Variants in B4GALT6 observed in about 807,000 individuals in gnomAD.
B4GALT6 encodes the protein UDP-Gal:beta-GlcNAc beta-1,4-galactosyltransferase 6.
A neutral mutation model predicts 46.3 loss-of-function variants in B4GALT6; 14 were observed. The ratio of observed to expected loss-of-function variants is 0.30; its 90% CI spans 0.20 to 0.47. The LOEUF (loss-of-function observed/expected upper bound fraction) is 0.47. Ranked by LOEUF, B4GALT6 falls within the 20% of genes least tolerant of loss-of-function variation. B4GALT6 has a pLI of 0.99. For synonymous variants in B4GALT6, 168 were observed against 162.0 expected, an observed-to-expected ratio of 1.04 and a Z score of -0.28; for missense variants, 386 against 480.1, an observed-to-expected ratio of 0.80 and a Z score of 1.83.
At chr18:31,707,570 G>A in the B4GALT6 span, among the ~76,000 whole-genome samples, 1 of 152,240 alleles carries the variant, frequency 6.6e-6, no homozygotes, top group East Asian at 1.9e-4. Flanking sequence ...TGGTCAAAAA[G>A]AGTCAGCTCA....
At chr18:31,647,375 C>A (rs534555980) in intron 3 of B4GALT6, among the ~76,000 whole-genome samples, 1 of 152,150 alleles carries the variant, frequency 6.6e-6, no homozygotes, top group Admixed American at 6.5e-5. Flanking sequence ...AAGAGACAGG[C>A]TTTATTTCTT....
chr18:31,644,055 G>GA (rs2073962000), intron 4 of B4GALT6, among the ~76,000 whole-genome samples: 1 of 152,166 alleles, frequency 6.6e-6, no homozygotes, highest in Non-Finnish European at 1.5e-5. Context: ...CAAATGTGAG[G>GA]AAAATCAATC....
chr18:31,667,616 T>C (rs909480773), intron 1 of B4GALT6, among the ~76,000 whole-genome samples: 1 of 152,102 alleles, frequency 6.6e-6, no homozygotes, highest in Non-Finnish European at 1.5e-5. Flanking sequence ...CAGAGTAAAA[T>C]AAAACTTTTC....
At chr18:31,630,150 G>C (rs1407001500) in intron 6 of B4GALT6, among the ~76,000 whole-genome samples, 2 of 151,544 alleles carry the variant, frequency 1.3e-5, no homozygotes, top group African/African-American at 4.8e-5. Context: ...GGAAGAAGAA[G>C]AAAGAAACAA....
chr18:31,639,249 G>A (rs560000289), intron 4 of B4GALT6, among the ~76,000 whole-genome samples: 1 of 152,232 alleles, frequency 6.6e-6, no homozygotes, highest in East Asian at 1.9e-4. Context: ...GCTATCAATT[G>A]GGCATGAAAA....
At chr18:31,706,606 C>G in the B4GALT6 span, among the ~76,000 whole-genome samples, 3 of 152,036 alleles carry the variant, frequency 2.0e-5, no homozygotes, top group Non-Finnish European at 2.9e-5. Flanking sequence ...ACTCCTCCAG[C>G]CTGGGCCACA....
chr18:31,715,353 G>A, the B4GALT6 span, among the ~76,000 whole-genome samples: 1 of 151,952 alleles, frequency 6.6e-6, no homozygotes, highest in Non-Finnish European at 1.5e-5. Context: ...AGCTTTCCAA[G>A]TAGCTGGGAC....
At chr18:31,643,864 C>G (rs1013427844) in intron 4 of B4GALT6, among the ~76,000 whole-genome samples, 1 of 152,160 alleles carries the variant, frequency 6.6e-6, no homozygotes, top group African/African-American at 2.4e-5. Context: ...ACATTCTGTA[C>G]AAACAACTAT....
the B4GALT6 span, among the ~76,000 whole-genome samples, chr18:31,712,717 C>T: frequency 6.6e-6 from 1 of 152,340 alleles, no homozygotes; most frequent in East Asian, 1.9e-4. Flanking sequence ...CTCACATTTA[C>T]ATCCACTGCC....
chr18:31,679,778 C>A (rs566637302), intron 1 of B4GALT6, among the ~76,000 whole-genome samples: 3 of 152,302 alleles, frequency 2.0e-5, no homozygotes, highest in South Asian at 4.1e-4. Context: ...AATAGCCCCC[C>A]AAAGACGTGA....
At chr18:31,631,198 A>AAC in intron 5 of B4GALT6, 52 bp from the exon 6 acceptor site, 16 of 1,221,898 alleles carry the variant, frequency 1.3e-5, no homozygotes, top group African/African-American at 1.0e-4. Context: ...ACACTTCATC[A>AAC]TCTTTTTTTT....
At chr18:31,701,297 G>C in the B4GALT6 span, among the ~76,000 whole-genome samples, 1 of 152,060 alleles carries the variant, frequency 6.6e-6, no homozygotes, top group Non-Finnish European at 1.5e-5. Context: ...CCTCTCTCTT[G>C]CTCCTGCTCT....
intron 3 of B4GALT6, among the ~76,000 whole-genome samples, chr18:31,655,243 G>A (rs537681937): frequency 6.6e-6 from 1 of 152,320 alleles, no homozygotes; most frequent in South Asian, 2.1e-4. Flanking sequence ...CCTTTCTAAA[G>A]CCTTATCTGT....
intron 1 of B4GALT6, among the ~76,000 whole-genome samples, chr18:31,672,531 G>C (rs2074367846): frequency 6.6e-6 from 1 of 152,216 alleles, no homozygotes; most frequent in East Asian, 1.9e-4. Context: ...CTTGAACACA[G>C]TGAAAATGCT....
chr18:31,671,204 C>T (rs568694281), intron 1 of B4GALT6, among the ~76,000 whole-genome samples: 4 of 152,240 alleles, frequency 2.6e-5, no homozygotes, highest in African/African-American at 9.6e-5. Flanking sequence ...TCACAATAAA[C>T]ATACGTGTGC....
chr18:31,717,954 C>A, the B4GALT6 span, among the ~76,000 whole-genome samples: 934 of 126,044 alleles, frequency 7.4e-3, no homozygotes, highest in African/African-American at 7.9e-3. Context: ...AACTCCGTCT[C>A]AAAAAAAAAA....
chr18:31,638,745 G>C lies in B4GALT6; in HGVS notation c.487C>G (p.Pro163Ala). 1 of 1,613,290 alleles carries C rather than the reference G, an allele frequency of 6.2e-7. No individual in the cohort carries two copies. Among genetic ancestry groups the C allele is most frequent in the South Asian group, 1.1e-5 (1 of 91,066 alleles). The stretch of plus-strand genomic sequence containing the variant: ...AGATGTTCATGGCGATTACGGAAAG[G>C]AATGAGAACTGCCACCTTTAAAACA... ...KPRWKVAVLIPFRNRHEHLPI... is the reference protein window; with the variant it reads ...KPRWKVAVLIAFRNRHEHLPI... Residue 163 changes from proline (P) to alanine (A), a missense_variant, in exon 5 of 9, where the codon CCT becomes GCT. Pro to Ala is a conservative substitution (Grantham distance 27). Coordinates refer to ENST00000306851, the MANE Select transcript of B4GALT6 (RefSeq NM_004775.5).
upstream of B4GALT6, among the ~76,000 whole-genome samples, chr18:31,689,071 G>T (rs1048055021): frequency 4.6e-5 from 7 of 152,172 alleles, no homozygotes; most frequent in Non-Finnish European, 8.8e-5. Context: ...TAAAGTGAAG[G>T]CCCGACTACT....
chr18:31,636,155 T>A (rs187270599), intron 5 of B4GALT6, among the ~76,000 whole-genome samples: 1 of 152,316 alleles, frequency 6.6e-6, no homozygotes, highest in African/African-American at 2.4e-5. Context: ...AAAGATTAAC[T>A]CAATGATTAG....
Sources: gnomAD v4.1 joint callset for allele counts (sites outside exome capture counted in the v4.1 genomes callset) on GRCh38, gnomAD v4.1.1 for gene constraint, MANE v1.5 for transcripts, NCBI Gene and HGNC (gene_info 2026-07-23, HGNC 2026-07-21) for gene names.